STEAP1B: variants seen among roughly 807,000 people sequenced by gnomAD.
STEAP1B encodes the protein STEAP family member 1B.
In STEAP1B, 13 loss-of-function variants were observed where a neutral mutation model predicts 27.9. The ratio of observed to expected loss-of-function variants is 0.47; its 90% CI spans 0.30 to 0.74. The LOEUF (loss-of-function observed/expected upper bound fraction) is 0.74, where lower values mean the gene tolerates loss of function less well. Ranked by LOEUF, STEAP1B falls within the 30% of genes least tolerant of loss-of-function variation. STEAP1B has a pLI of 0.06. For missense variants in STEAP1B, 250 were observed against 298.7 expected (o/e 0.84, Z 1.20); for synonymous variants, 86 against 107.1 (o/e 0.80, Z 1.22).
chr7:22,490,081 A>G lies in STEAP1B; in HGVS notation c.762+2484T>C, dbSNP rs563668894. On this transcript the variant is annotated intron_variant, in intron 4 of 4. Transcript: ENST00000678116. ...TATGCGTAATTTCTATTCCAAAAGA[A>G]TGTTTTCTATCTTTTTGAAAACAAT... 1.3e-3 allele frequency among the ~76,000 whole-genome samples: 196 copies of G among 152,292 alleles called. 3 individuals carry two copies. The South Asian group carries it at 0.039, about 31-fold the overall frequency.
chr7:22,440,017 T>C (rs1225311735), intron 4 of STEAP1B, among the ~76,000 whole-genome samples: 3 of 152,200 alleles, frequency 2.0e-5, no homozygotes, highest in Non-Finnish European at 2.9e-5. Flanking sequence ...CTACGCCTTT[T>C]GAAATAATTC....
chr7:22,437,722 C>T (rs933401722), intron 4 of STEAP1B, among the ~76,000 whole-genome samples: 1 of 152,182 alleles, frequency 6.6e-6, no homozygotes, highest in African/African-American at 2.4e-5. Flanking sequence ...TTTCCATCAA[C>T]AGTGTAAAAG....
intron 4 of STEAP1B, among the ~76,000 whole-genome samples, chr7:22,459,992 A>G (rs1447029841): frequency 6.6e-6 from 1 of 152,078 alleles, no homozygotes; most frequent in African/African-American, 2.4e-5. Context: ...CAATCATTAA[A>G]TGGAGGAATT....
chr7:22,464,275 A>C (rs931384104), intron 4 of STEAP1B, among the ~76,000 whole-genome samples: 1 of 152,206 alleles, frequency 6.6e-6, no homozygotes, highest in Non-Finnish European at 1.5e-5. Context: ...TCTCCAGTGA[A>C]TTTGGAGACC....
chr7:22,453,051 T>C lies in STEAP1B; in HGVS notation c.763-33215A>G, dbSNP rs141512917. Among the ~76,000 whole-genome samples, 253 of 152,328 alleles carry C rather than the reference T, an allele frequency of 1.7e-3. 1 individual carries two copies. Among genetic ancestry groups the C allele is most frequent in the African/African-American group, 5.6e-3 (234 of 41,566 alleles). On this transcript the variant is annotated intron_variant, in intron 4 of 4. Transcript: ENST00000678116. Reference sequence around the variant, plus strand: ...TTCATACAGCCCCCAGATTGGCACATGTTCCCCCTTCCACCAACTCCCCTG... The same window carrying C: ...TTCATACAGCCCCCAGATTGGCACACGTTCCCCCTTCCACCAACTCCCCTG...
At chr7:22,443,848 C>T (rs542157677) in intron 4 of STEAP1B, among the ~76,000 whole-genome samples, 1 of 152,206 alleles carries the variant, frequency 6.6e-6, no homozygotes, top group Non-Finnish European at 1.5e-5. Flanking sequence ...CTTTGACCTA[C>T]ATAAAGTGCC....
chr7:22,456,966 A>ATTTTTTTTTTTTTT (rs1301439928), intron 4 of STEAP1B, among the ~76,000 whole-genome samples: 1 of 36,818 alleles, frequency 2.7e-5, no homozygotes, highest in East Asian at 9.6e-4. Flanking sequence ...ATATATATAT[A>ATTTTTTTTTTTTTT]TATATATTTT....
Position 22,456,972 on chromosome 7 carries a change from A to ATTTTTTTTTTTTTT in STEAP1B, c.762+35579_762+35592dup, listed in dbSNP as rs3064738. Among the ~76,000 whole-genome samples, 186 of 56,982 alleles carry ATTTTTTTTTTTTTT rather than the reference A, an allele frequency of 3.3e-3. 19 individuals are homozygous for ATTTTTTTTTTTTTT. The highest frequency in any genetic ancestry group is 0.012 in the African/African-American group (175 of 14,218). The allele number at this position is 56,982 out of a possible 152,430, so 37.4% of individuals were successfully genotyped here. On this transcript the variant is annotated intron_variant, in intron 4 of 4. Transcript: ENST00000678116. ...GGCAGCTATATATATATATATATAT[A>ATTTTTTTTTTTTTT]TTTTTTTTTTTTTTAAGTATCCTGG...
chr7:22,472,665 C>G (rs1250540637), intron 4 of STEAP1B, among the ~76,000 whole-genome samples: 1 of 152,184 alleles, frequency 6.6e-6, no homozygotes, highest in East Asian at 1.9e-4. Flanking sequence ...TGGCAGAGTT[C>G]TGGTGGTGAA....
intron 4 of STEAP1B, among the ~76,000 whole-genome samples, chr7:22,431,834 C>T (rs1274710365): frequency 6.6e-6 from 1 of 152,196 alleles, no homozygotes; most frequent in Non-Finnish European, 1.5e-5. Flanking sequence ...GCCACCCTTC[C>T]AGCTCCAGCT....
At chr7:22,437,085 T>A (rs1785264554) in intron 4 of STEAP1B, among the ~76,000 whole-genome samples, 1 of 152,096 alleles carries the variant, frequency 6.6e-6, no homozygotes, top group Admixed American at 6.5e-5. Context: ...TGGGAGAAAA[T>A]TTTTGCAAAC....
rs561233940 is a variant in STEAP1B, at chr7:22,494,825, C to G, written c.31G>C (p.Glu11Gln). 6.3e-7 allele frequency: 1 copy of G among 1,590,184 alleles called. No individual in the cohort carries two copies. Among genetic ancestry groups the G allele is most frequent in the Non-Finnish European group, 8.6e-7 (1 of 1,167,702 alleles). Residue 11 changes from glutamate (E) to glutamine (Q), a missense_variant, in exon 2 of 5, where the codon GAA becomes CAA. Physicochemically the swap from Glu to Gln is conservative, Grantham distance 29. Transcript: ENST00000678116. MESRKDITNQ[E>Q]EIWKMKPRRN... is the part of the protein sequence containing the mutation. ...CTAGGCTTCATTTTCCAAATTTCTT[C>G]TTGGTTTGTGATGTCTTTTCTGCTT...
chr7:22,423,352 G>T (rs1785066909), intron 4 of STEAP1B, among the ~76,000 whole-genome samples: 1 of 152,048 alleles, frequency 6.6e-6, no homozygotes, highest in African/African-American at 2.4e-5. Context: ...AATATCAAAA[G>T]GTGCAAACAA....
chr7:22,495,817 A>C (rs139845871), intron 1 of STEAP1B, among the ~76,000 whole-genome samples: 5,225 of 152,338 alleles, frequency 0.034, 193 homozygotes, highest in Admixed American at 0.12. Context: ...GATGTGTCAC[A>C]TAACATTTTG....
intron 4 of STEAP1B, among the ~76,000 whole-genome samples, chr7:22,429,284 C>T (rs1785148422): frequency 6.6e-6 from 1 of 152,178 alleles, no homozygotes; most frequent in Admixed American, 6.5e-5. Context: ...TGTCCAACAA[C>T]TACAACAACA....
At chr7:22,444,621 G>A (rs1785381887) in intron 4 of STEAP1B, among the ~76,000 whole-genome samples, 1 of 152,180 alleles carries the variant, frequency 6.6e-6, no homozygotes, top group South Asian at 2.1e-4. Flanking sequence ...GGAGAAATAA[G>A]GGCCTCAGAC....
chr7:22,491,950 T>C (rs1020842789), intron 4 of STEAP1B, among the ~76,000 whole-genome samples: 2 of 152,066 alleles, frequency 1.3e-5, no homozygotes, highest in Admixed American at 6.5e-5. Context: ...GAATAGAGGA[T>C]ATATGTAGTA....
intron 4 of STEAP1B, among the ~76,000 whole-genome samples, chr7:22,471,919 GT>G (rs1423371956): frequency 1.8e-5 from 2 of 112,166 alleles, no homozygotes; most frequent in East Asian, 6.8e-4. Context: ...AAAAAAAAAA[GT>G]TTTCATATTG....
chr7:22,441,054 A>G (rs1259638699), intron 4 of STEAP1B, among the ~76,000 whole-genome samples: 2 of 151,354 alleles, frequency 1.3e-5, no homozygotes, highest in Non-Finnish European at 2.9e-5. Flanking sequence ...ATTTTTTTCT[A>G]AATAGAAAAT....
Sources: allele counts gnomAD v4.1 joint callset (sites outside exome capture counted in the v4.1 genomes callset), GRCh38; gene constraint gnomAD v4.1.1; transcripts MANE v1.5; gene names NCBI Gene and HGNC (gene_info 2026-07-23, HGNC 2026-07-21).